OTOGL: variants seen among roughly 807,000 people sequenced by gnomAD.
The protein encoded by OTOGL is otogelin-like protein.
In OTOGL, 285 loss-of-function variants were observed where a neutral mutation model predicts 318.5. The ratio of observed to expected loss-of-function variants is 0.89; its 90% CI spans 0.81 to 0.99. The LOEUF is 0.99. Among genes scored for constraint, OTOGL ranks in the 50% least tolerant of loss-of-function variants. OTOGL has a pLI of 0.00. For synonymous variants in OTOGL, 987 were observed against 936.5 expected, an observed-to-expected ratio of 1.05 and a Z score of -0.99; for missense variants, 2,899 against 2,845.6, an observed-to-expected ratio of 1.02 and a Z score of -0.43.
chr12:80,368,141 T>A, intron 54 of OTOGL, 64 bp from the exon 55 acceptor site: 2 of 1,199,906 alleles, frequency 1.7e-6, no homozygotes, highest in Non-Finnish European at 2.4e-6. Flanking sequence ...AAGAAATAAC[T>A]CTCCAGAAGT....
At chr12:80,127,150 A>G (rs1870902188) in intron 1 of OTOGL, among the ~76,000 whole-genome samples, 2 of 152,258 alleles carry the variant, frequency 1.3e-5, no homozygotes, top group East Asian at 3.9e-4. Flanking sequence ...TGGTCTTTAC[A>G]ATTTGGCATG....
chr12:80,140,518 C>A (rs1871864285), intron 1 of OTOGL, among the ~76,000 whole-genome samples: 1 of 152,124 alleles, frequency 6.6e-6, no homozygotes, highest in Admixed American at 6.6e-5. Flanking sequence ...AGAAGTAGAG[C>A]ACAGTGTTAA....
intron 1 of OTOGL, among the ~76,000 whole-genome samples, chr12:80,115,310 T>C (rs1027725626): frequency 1.3e-5 from 2 of 152,088 alleles, no homozygotes; most frequent in African/African-American, 2.4e-5. Context: ...ATGTTGATGC[T>C]ATTGCTTTCT....
At chr12:80,146,325 T>C (rs1872354237) in intron 1 of OTOGL, among the ~76,000 whole-genome samples, 1 of 147,330 alleles carries the variant, frequency 6.8e-6, no homozygotes. Flanking sequence ...TCATGTGGTT[T>C]TTGTCTTTGG....
chr12:80,104,430 C>A (rs929866020), intron 1 of OTOGL, among the ~76,000 whole-genome samples: 81 of 152,192 alleles, frequency 5.3e-4, no homozygotes, highest in African/African-American at 1.9e-3. Context: ...ATTAAATTGC[C>A]AAGAGAGGCG....
chr12:80,276,228 G>A (rs1883795098), intron 24 of OTOGL, among the ~76,000 whole-genome samples: 2 of 151,724 alleles, frequency 1.3e-5, no homozygotes, highest in African/African-American at 2.4e-5. Context: ...TAAAGTTTAT[G>A]AAGAGTCTAA....
At position 80,209,398 on chromosome 12, in the gene OTOGL, T is replaced by C. The variant is rs1877064470; in HGVS notation, c.-19-15T>C. On this transcript the variant is annotated splice_polypyrimidine_tract_variant and intron_variant, in intron 1 of 58. Transcript: ENST00000547103. ...TGCCATCATAATAAAGACCATCAATTTGGTTACATTTCAGGGGGAAAGGCT... is the reference window on the plus strand; with the variant it reads ...TGCCATCATAATAAAGACCATCAATCTGGTTACATTTCAGGGGGAAAGGCT... 2 of 1,372,670 alleles carry C rather than the reference T, an allele frequency of 1.5e-6. No homozygotes were observed. The highest frequency in any genetic ancestry group is 1.5e-5 in the South Asian group (1 of 67,158). 85.0% of individuals were successfully genotyped at this position (1,372,670 alleles called of 1,614,324 possible).
intron 24 of OTOGL, among the ~76,000 whole-genome samples, chr12:80,277,164 A>G (rs1883870519): frequency 6.8e-6 from 1 of 147,020 alleles, no homozygotes; most frequent in Admixed American, 6.8e-5. Flanking sequence ...TTCATAATAA[A>G]AAATTATTTA....
intron 43 of OTOGL, among the ~76,000 whole-genome samples, chr12:80,339,974 C>T (rs1888661095): frequency 6.6e-6 from 1 of 152,076 alleles, no homozygotes; most frequent in Non-Finnish European, 1.5e-5. Flanking sequence ...CAGTTGTGTG[C>T]TCTGAAGAGA....
chr12:80,278,855 A>G (rs1884000424), intron 25 of OTOGL, among the ~76,000 whole-genome samples, 173 bp from the exon 26 acceptor site: 1 of 151,448 alleles, frequency 6.6e-6, no homozygotes, highest in Non-Finnish European at 1.5e-5. Flanking sequence ...GAAGTGAAAA[A>G]CGTATGCCTA....
intron 26 of OTOGL, among the ~76,000 whole-genome samples, chr12:80,280,929 C>T (rs1884185258): frequency 6.6e-6 from 1 of 151,464 alleles, no homozygotes; most frequent in South Asian, 2.1e-4. Flanking sequence ...AGCTGTATAC[C>T]TAGGTATTTT....
At chr12:80,308,210 C>T (rs1469977964) in intron 29 of OTOGL, among the ~76,000 whole-genome samples, 4 of 150,268 alleles carry the variant, frequency 2.7e-5, no homozygotes, top group Admixed American at 6.6e-5. Flanking sequence ...ACTTCCCAGA[C>T]GGGGTGGCTG....
rs554681250 is a variant in OTOGL, at chr12:80,331,579, A to G, written c.4349-1426A>G. Among the ~76,000 whole-genome samples, 7 of 152,072 alleles carry G rather than the reference A, an allele frequency of 4.6e-5. 1 individual carries two copies. The South Asian group carries it at 1.2e-3, about 27-fold the overall frequency. On this transcript the variant is annotated intron_variant, in intron 37 of 58. Transcript: ENST00000547103. ...GGTCTTGAACTCCGGGCCTCAAATG[A>G]TCTTCTCTCCTCGGCCTCCCAAAGT...
At chr12:80,231,940 A>T (rs562741845) in intron 8 of OTOGL, among the ~76,000 whole-genome samples, 43 of 152,194 alleles carry the variant, frequency 2.8e-4, no homozygotes, top group South Asian at 1.2e-3. Context: ...CCCAGCTGAC[A>T]TGACTATCTT....
At chr12:80,270,788 A>G (rs1047780360) in intron 23 of OTOGL, among the ~76,000 whole-genome samples, 1 of 152,098 alleles carries the variant, frequency 6.6e-6, no homozygotes, top group African/African-American at 2.4e-5. Flanking sequence ...TTAGGACCAT[A>G]TATATTATTT....
intron 27 of OTOGL, among the ~76,000 whole-genome samples, chr12:80,297,331 C>CTTT (rs5799464): frequency 1.1e-4 from 16 of 140,728 alleles, no homozygotes; most frequent in African/African-American, 1.6e-4. Flanking sequence ...TTGTATATGT[C>CTTT]TTTTTTTTTT....
intron 37 of OTOGL, among the ~76,000 whole-genome samples, chr12:80,330,816 G>A (rs1231635764): frequency 6.6e-6 from 1 of 152,156 alleles, no homozygotes; most frequent in Non-Finnish European, 1.5e-5. Context: ...AAAATCGATT[G>A]TATTTCTGTA....
intron 1 of OTOGL, among the ~76,000 whole-genome samples, chr12:80,194,246 T>C (rs1875890768): frequency 1.3e-5 from 2 of 152,344 alleles, no homozygotes; most frequent in African/African-American, 4.8e-5. Context: ...TTTTAGATGA[T>C]AGCCTAATAT....
At position 80,308,978 on chromosome 12, in the gene OTOGL, C is replaced by G. The variant is rs1015770655; in HGVS notation, c.3334-1633C>G. Among the ~76,000 whole-genome samples the G allele has an allele frequency of 1.0e-4, 9 of 85,858 alleles. No individual in the cohort carries two copies. In the Admixed American group the frequency reaches 1.1e-3, roughly 10 times the overall value. The allele number at this position is 85,858 out of a possible 152,430, so 56.3% of individuals were successfully genotyped here. A position where few individuals can be genotyped will look rare whatever the true frequency, so the allele number is the denominator to read the frequency against. On this transcript the variant is annotated intron_variant, in intron 29 of 58. Transcript: ENST00000547103. The stretch of plus-strand genomic sequence containing the variant: ...CGTGGAAAGAGAGGGAGAGGGAGAC[C>G]GTGGGGAGAGGGAGAGGGAGAGGGA...
Sources: gnomAD v4.1 joint callset for allele counts (sites outside exome capture counted in the v4.1 genomes callset) on GRCh38, gnomAD v4.1.1 for gene constraint, MANE v1.5 for transcripts, NCBI Gene and HGNC (gene_info 2026-07-23, HGNC 2026-07-21) for gene names.